PRDM2: variants seen among roughly 807,000 people sequenced by gnomAD.
PRDM2 encodes the protein PR domain zinc finger protein 2.
A neutral mutation model predicts 130.0 loss-of-function variants in PRDM2; 30 were observed. The observed-to-expected ratio is 0.23, with a 90% CI of 0.17 to 0.31. The LOEUF is 0.31. Ranked by LOEUF, PRDM2 falls within the 10% of genes least tolerant of loss-of-function variation. The pLI, the probability that PRDM2 is intolerant of heterozygous loss-of-function variation, is 1.00. For synonymous variants in PRDM2, 871 were observed against 782.4 expected (o/e 1.11, Z -1.89); for missense variants, 2,011 against 2,108.4 (o/e 0.95, Z 0.90).
intron 1 of PRDM2, among the ~76,000 whole-genome samples, chr1:13,711,322 A>C (rs1642364140): frequency 6.6e-6 from 1 of 152,182 alleles, no homozygotes; most frequent in Non-Finnish European, 1.5e-5. Flanking sequence ...GGGGGTTTTG[A>C]GCAGTGCTGG....
chr1:13,721,243 A>G (rs1642719637), intron 2 of PRDM2, among the ~76,000 whole-genome samples: 1 of 152,148 alleles, frequency 6.6e-6, no homozygotes, highest in African/African-American at 2.4e-5. Context: ...GACCATGTAG[A>G]TATGTCTATT....
At chr1:13,710,844 T>C (rs912540101) in intron 1 of PRDM2, among the ~76,000 whole-genome samples, 1 of 152,082 alleles carries the variant, frequency 6.6e-6, no homozygotes, top group Non-Finnish European at 1.5e-5. Flanking sequence ...CCCAACACTT[T>C]GGGAGGCTGA....
intron 1 of PRDM2, among the ~76,000 whole-genome samples, chr1:13,711,672 T>A (rs896945569): frequency 2.6e-5 from 4 of 152,220 alleles, no homozygotes; most frequent in African/African-American, 7.2e-5. Context: ...ATTAAGTTTT[T>A]AAAATAACAT....
rs780950935 is a variant in PRDM2 at position 13,780,483 on chromosome 1, T to C, written c.2688T>C (p.Tyr896=). ...TGCAGAAGGTTCTTCTCAATGAATATAATGGCATCGATTTACCTGTAGAAA... is the reference window on the plus strand; with the variant it reads ...TGCAGAAGGTTCTTCTCAATGAATACAATGGCATCGATTTACCTGTAGAAA... ...CMLQKVLLNE[Y]NGIDLPVENP... Residue 896 remains tyrosine, a synonymous_variant, in exon 8 of 10, where the codon TAT becomes TAC. Coordinates refer to ENST00000311066, the MANE Select transcript of PRDM2 (RefSeq NM_001393986.1). 6.2e-7 allele frequency: 1 copy of C among 1,614,164 alleles called. No homozygotes were observed. The highest frequency in any genetic ancestry group is 1.7e-5 in the Admixed American group (1 of 60,020).
chr1:13,751,332 A>G (rs1173327870), intron 6 of PRDM2, among the ~76,000 whole-genome samples: 1 of 152,176 alleles, frequency 6.6e-6, no homozygotes, highest in Non-Finnish European at 1.5e-5. Context: ...AATTAATTAA[A>G]AGACTTATGT....
intron 2 of PRDM2, among the ~76,000 whole-genome samples, chr1:13,720,705 A>G (rs950844965): frequency 2.6e-5 from 4 of 152,250 alleles, no homozygotes; most frequent in Non-Finnish European, 1.5e-5. Flanking sequence ...GTCATTTACT[A>G]TTGATTGCAA....
chr1:13,751,152 G>A (rs1355165140), intron 6 of PRDM2, among the ~76,000 whole-genome samples: 1 of 152,022 alleles, frequency 6.6e-6, no homozygotes, highest in Non-Finnish European at 1.5e-5. Flanking sequence ...TTGGATTTGG[G>A]GAAAAACTTG....
At position 13,806,231 on chromosome 1, in the gene PRDM2, G is replaced by A. The variant is rs1249618763; in HGVS notation, c.5037-10196G>A. 7.1e-6 allele frequency among the ~76,000 whole-genome samples: 1 copy of A among 140,104 alleles called. No homozygotes were observed. The highest frequency in any genetic ancestry group is 1.5e-5 in the Non-Finnish European group (1 of 65,626). 91.9% of individuals were successfully genotyped at this position (140,104 alleles called of 152,430 possible). On this transcript the variant is annotated intron_variant, in intron 8 of 9. Coordinates refer to ENST00000311066, the MANE Select transcript of PRDM2 (RefSeq NM_001393986.1). The surrounding 1 kb of genome is among the most constrained non-coding windows in gnomAD (Gnocchi z 4.1). ...TCTGCACATTACCAGCTGCTCCCCC[G>A]CATCCCGCCTCCATCCCTGGGCTCT...
intron 4 of PRDM2, among the ~76,000 whole-genome samples, chr1:13,734,715 C>G (rs1196853839): frequency 3.3e-5 from 5 of 151,858 alleles, no homozygotes; most frequent in Admixed American, 1.3e-4. Flanking sequence ...GATAAGAATC[C>G]TAGTTCTTAT....
intron 6 of PRDM2, among the ~76,000 whole-genome samples, chr1:13,754,285 G>A (rs1643898581): frequency 6.6e-6 from 1 of 152,158 alleles, no homozygotes; most frequent in South Asian, 2.1e-4. Flanking sequence ...GTTGGTGGGG[G>A]AGATGAGAGA....
At chr1:13,749,722 G>C (rs1557618344) in intron 6 of PRDM2, among the ~76,000 whole-genome samples, 2 of 151,852 alleles carry the variant, frequency 1.3e-5, no homozygotes, top group Non-Finnish European at 2.9e-5. Flanking sequence ...ACCCGGCCCC[G>C]CTGCTGAATC....
chr1:13,818,725 T>C (rs1490421937), intron 9 of PRDM2, among the ~76,000 whole-genome samples: 1 of 152,090 alleles, frequency 6.6e-6, no homozygotes, highest in Admixed American at 6.5e-5. Flanking sequence ...GTTTCTGGCT[T>C]GGCTTTATTC....
chr1:13,822,400 CT>C (rs55797543), intron 9 of PRDM2, among the ~76,000 whole-genome samples: 34 of 142,564 alleles, frequency 2.4e-4, no homozygotes, highest in Admixed American at 3.5e-4. Flanking sequence ...CTTTTTCTTT[CT>C]TTTTTTTTTT....
intron 1 of PRDM2, among the ~76,000 whole-genome samples, chr1:13,715,209 G>A (rs1212244393): frequency 6.6e-6 from 1 of 152,134 alleles, no homozygotes; most frequent in Admixed American, 6.5e-5. Context: ...TGCATAATAA[G>A]GTACTCAATA....
intron 8 of PRDM2, among the ~76,000 whole-genome samples, chr1:13,796,900 A>G (rs909281912): frequency 2.0e-5 from 3 of 152,222 alleles, no homozygotes; most frequent in Admixed American, 2.0e-4. Flanking sequence ...AGCTCCCAAA[A>G]CACGAGTTAA....
intron 1 of PRDM2, among the ~76,000 whole-genome samples, chr1:13,713,522 A>G (rs562177081): frequency 2.6e-5 from 4 of 152,356 alleles, no homozygotes; most frequent in African/African-American, 9.6e-5. Flanking sequence ...AATGATAGTG[A>G]TGATGATACC....
chr1:13,802,012 T>C (rs955291229), intron 8 of PRDM2, among the ~76,000 whole-genome samples: 1 of 152,210 alleles, frequency 6.6e-6, no homozygotes, highest in Non-Finnish European at 1.5e-5. Flanking sequence ...AGGCTCCTCG[T>C]GTGTAAGGTA....
chr1:13,749,842 G>A (rs1643758765), intron 6 of PRDM2, among the ~76,000 whole-genome samples: 2 of 152,072 alleles, frequency 1.3e-5, no homozygotes, highest in African/African-American at 4.8e-5. Flanking sequence ...GGCACCCCAA[G>A]CCGCGCTCCG....
chr1:13,759,436 C>G (rs1569901360), intron 6 of PRDM2, among the ~76,000 whole-genome samples: 1 of 152,274 alleles, frequency 6.6e-6, no homozygotes, highest in East Asian at 1.9e-4. Flanking sequence ...GTTCAGTTTT[C>G]ATTCTGTTGC....
Sources: allele counts gnomAD v4.1 joint callset (sites outside exome capture counted in the v4.1 genomes callset), GRCh38; gene constraint gnomAD v4.1.1; non-coding constraint Gnocchi (gnomAD v3.1); transcripts MANE v1.5; gene names NCBI Gene and HGNC (gene_info 2026-07-23, HGNC 2026-07-21).